The following RSRC1 variants were observed in gnomAD, a reference collection of about 807,000 sequenced individuals.
RSRC1 encodes the protein arginine and serine rich coiled-coil 1, also known as serine/Arginine-related protein 53.
A neutral mutation model predicts 49.1 loss-of-function variants in RSRC1; 39 were observed. The ratio of observed to expected loss-of-function variants is 0.79; its 90% CI spans 0.61 to 1.04. RSRC1 has a LOEUF of 1.04. Ranked by LOEUF, RSRC1 falls within the 50% of genes least tolerant of loss-of-function variation. The pLI, the probability that RSRC1 is intolerant of heterozygous loss-of-function variation, is 0.00. For missense variants in RSRC1, 388 were observed against 402.4 expected (o/e 0.96, Z 0.31); for synonymous variants, 143 against 130.8 (o/e 1.09, Z -0.63).
chr3:158,152,343 T>C (rs936060354), intron 3 of RSRC1, among the ~76,000 whole-genome samples: 4 of 152,178 alleles, frequency 2.6e-5, no homozygotes, highest in South Asian at 2.1e-4. Flanking sequence ...GAAAGTTCCA[T>C]GTCCCAAGAA....
intron 5 of RSRC1, among the ~76,000 whole-genome samples, chr3:158,322,398 C>G (rs1290881139): frequency 1.3e-5 from 2 of 152,116 alleles, no homozygotes; most frequent in African/African-American, 4.8e-5. Flanking sequence ...CCTGTCCCCC[C>G]AGCCCACCGC....
intron 7 of RSRC1, among the ~76,000 whole-genome samples, chr3:158,479,688 A>C (rs902936474): frequency 1.3e-5 from 2 of 151,996 alleles, no homozygotes; most frequent in African/African-American, 2.4e-5. Context: ...ATATTTTTCC[A>C]CTAATGATGT....
intron 4 of RSRC1, among the ~76,000 whole-genome samples, chr3:158,280,073 C>T (rs1272625526): frequency 6.6e-6 from 1 of 152,164 alleles, no homozygotes; most frequent in Non-Finnish European, 1.5e-5. Context: ...AGAGAATAAT[C>T]TTTTTATTCT....
chr3:158,228,989 CAT>C (rs375159858), intron 4 of RSRC1, among the ~76,000 whole-genome samples: 6,939 of 84,736 alleles, frequency 0.082, 156 homozygotes, highest in Middle Eastern at 0.12. Context: ...TATAAACACA[CAT>C]ACGTGTATAT....
chr3:158,186,085 A>G (rs1719910718), intron 3 of RSRC1, among the ~76,000 whole-genome samples: 1 of 151,906 alleles, frequency 6.6e-6, no homozygotes, highest in Non-Finnish European at 1.5e-5. Context: ...AGCTATAAGG[A>G]CTTAAATCAC....
intron 5 of RSRC1, among the ~76,000 whole-genome samples, chr3:158,352,914 G>A (rs1730952793): frequency 6.6e-6 from 1 of 152,032 alleles, no homozygotes. Flanking sequence ...GACAGTTTAT[G>A]ACTTTTATAT....
At chr3:158,405,895 A>T (rs1030024553) in intron 6 of RSRC1, among the ~76,000 whole-genome samples, 3 of 152,152 alleles carry the variant, frequency 2.0e-5, no homozygotes, top group African/African-American at 7.2e-5. Flanking sequence ...AATTTACATT[A>T]TTCTTAAAAT....
At chr3:158,229,395 T>A (rs61244568) in intron 4 of RSRC1, among the ~76,000 whole-genome samples, 1 of 23,714 alleles carries the variant, frequency 4.2e-5, no homozygotes, top group Non-Finnish European at 8.0e-5. Context: ...TGTATATATA[T>A]ACACATACAC....
At chr3:158,243,950 G>GT (rs57801130) in intron 4 of RSRC1, among the ~76,000 whole-genome samples, 12,257 of 134,450 alleles carry the variant, frequency 0.091, 627 homozygotes, top group South Asian at 0.13. Context: ...TGAGACTATG[G>GT]TTTTTTTTTT....
intron 7 of RSRC1, among the ~76,000 whole-genome samples, chr3:158,506,411 A>T (rs755348332): frequency 1.8e-4 from 27 of 152,032 alleles, no homozygotes; most frequent in Admixed American, 8.5e-4. Context: ...AAATAATAAT[A>T]ATTATAATAA....
intron 6 of RSRC1, among the ~76,000 whole-genome samples, chr3:158,415,511 T>G (rs1341941122): frequency 6.6e-6 from 1 of 152,016 alleles, no homozygotes; most frequent in Non-Finnish European, 1.5e-5. Flanking sequence ...AAATTCTCGG[T>G]GCTTCATTTT....
Position 158,409,960 on chromosome 3 carries a change from A to G in RSRC1, c.584-50975A>G, listed in dbSNP as rs138991082. The stretch of plus-strand genomic sequence containing the variant: ...TAAAAGAGAATGATTTATCTGTTCA[A>G]TTGTCATTTGATATAAGTGATAGCA... On this transcript the variant is annotated intron_variant, in intron 6 of 9. Transcript: ENST00000611884. 8.0e-4 allele frequency among the ~76,000 whole-genome samples: 121 copies of G among 152,082 alleles called. No individual in the cohort carries two copies. The East Asian group carries it at 0.022, about 27-fold the overall frequency.
intron 6 of RSRC1, among the ~76,000 whole-genome samples, chr3:158,437,494 C>G (rs765956182): frequency 2.0e-5 from 3 of 152,108 alleles, no homozygotes; most frequent in Non-Finnish European, 4.4e-5. Flanking sequence ...CCCTGGGATG[C>G]AAGGCTGGTT....
At chr3:158,248,530 A>G (rs1724030682) in intron 4 of RSRC1, among the ~76,000 whole-genome samples, 1 of 151,688 alleles carries the variant, frequency 6.6e-6, no homozygotes, top group Non-Finnish European at 1.5e-5. Context: ...ATTTATATAT[A>G]GTTCTTTAAG....
In RSRC1 at chr3:158,123,982, G is replaced by C. The variant is rs201521445; in HGVS notation, c.311G>C (p.Arg104Thr). The change falls in exon 3 of 10, where the codon AGA becomes ACA. Residue 104 changes from arginine to threonine, a missense_variant. By Grantham distance (71) the Arg-to-Thr change is moderately conservative. Transcript: ENST00000611884. ...GTTCAGAGGTCTAGGTCAAAAAGCA[G>C]AACAAGAAGGTATGCCTTATTAAGT... is the stretch of plus-strand genomic sequence containing the variant. ...YRVQRSRSKS[R>T]TRRSRSRPRL... The C allele has an allele frequency of 6.3e-6, 10 of 1,595,084 alleles. No homozygotes were observed. Among genetic ancestry groups the C allele is most frequent in the Middle Eastern group, 1.7e-4 (1 of 5,966 alleles).
At chr3:158,537,049 A>T (rs1384663085) in intron 7 of RSRC1, 43 bp from the exon 8 acceptor site, 1 of 1,295,618 alleles carries the variant, frequency 7.7e-7, no homozygotes, top group Non-Finnish European at 1.1e-6. Context: ...TGTTATTAAC[A>T]TGCTTACACC....
chr3:158,357,753 A>G (rs767993853), intron 6 of RSRC1, among the ~76,000 whole-genome samples: 13 of 152,164 alleles, frequency 8.5e-5, no homozygotes, highest in Non-Finnish European at 1.9e-4. Context: ...AGTAGTACCC[A>G]TTGTCACATT....
At chr3:158,492,946 A>G (rs552774151) in intron 7 of RSRC1, among the ~76,000 whole-genome samples, 5 of 152,334 alleles carry the variant, frequency 3.3e-5, no homozygotes, top group Admixed American at 1.3e-4. Context: ...TGTGTTTCTA[A>G]GACTGTGATG....
At chr3:158,375,523 TG>T (rs1732314225) in intron 6 of RSRC1, among the ~76,000 whole-genome samples, 1 of 152,120 alleles carries the variant, frequency 6.6e-6, no homozygotes, top group Non-Finnish European at 1.5e-5. Context: ...TGGATACAGT[TG>T]ATTATTTCTG....
Sources: gnomAD v4.1 joint callset for allele counts (sites outside exome capture counted in the v4.1 genomes callset) on GRCh38, gnomAD v4.1.1 for gene constraint, MANE v1.5 for transcripts, NCBI Gene and HGNC (gene_info 2026-07-23, HGNC 2026-07-21) for gene names.